Variants in COMMD2 observed in about 807,000 individuals in gnomAD.
The protein encoded by COMMD2 is COMM domain containing 2.
In COMMD2, 25 loss-of-function variants were observed where a neutral mutation model predicts 22.5. That is an observed-to-expected ratio of 1.11 (90% confidence interval 0.81 to 1.55). COMMD2 has a LOEUF of 1.55. Among genes scored for constraint, COMMD2 ranks in the 40% most tolerant of loss-of-function variants. COMMD2 has a pLI of 0.00. For missense variants in COMMD2, 223 were observed against 232.9 expected, an observed-to-expected ratio of 0.96 and a Z score of 0.28; for synonymous variants, 98 against 91.2, an observed-to-expected ratio of 1.07 and a Z score of -0.42.
Position 149,741,575 on chromosome 3 carries a change from T to G in COMMD2, c.546A>C (p.Ala182=). 6.2e-7 allele frequency: 1 copy of G among 1,614,166 alleles called. No individual in the cohort carries two copies. ...AGTGATTTGTCTTCATCTCTTCCAA[T>G]GCTTGTTCCAGTTGTTGAACCAAAT... ...LLHLVQQLEQ[A]LEEMKTNHCR... Residue 182 remains alanine, a synonymous_variant, in exon 5 of 5, where the codon GCA becomes GCC. Coordinates refer to ENST00000473414, the MANE Select transcript of COMMD2 (RefSeq NM_016094.4).
At chr3:149,741,918 A>C (rs1716240184) in intron 4 of COMMD2, among the ~76,000 whole-genome samples, 200 bp from the exon 5 acceptor site, 1 of 152,184 alleles carries the variant, frequency 6.6e-6, no homozygotes, top group Admixed American at 6.5e-5. Flanking sequence ...AGATTTCTTA[A>C]ACATGATATA....
intron 4 of COMMD2, among the ~76,000 whole-genome samples, chr3:149,743,604 C>T (rs1268412380): frequency 6.6e-6 from 1 of 152,264 alleles, no homozygotes; most frequent in East Asian, 1.9e-4. Context: ...AATTTAATGT[C>T]CCCAACTAAT....
At chr3:149,749,195 G>C (rs780905422) in intron 4 of COMMD2, among the ~76,000 whole-genome samples, 1 of 151,892 alleles carries the variant, frequency 6.6e-6, no homozygotes, top group South Asian at 2.1e-4. Context: ...TTGTATTTTT[G>C]GTAAAGACAG....
At chr3:149,743,890 G>C (rs1716299527) in intron 4 of COMMD2, among the ~76,000 whole-genome samples, 1 of 152,106 alleles carries the variant, frequency 6.6e-6, no homozygotes, top group Non-Finnish European at 1.5e-5. Context: ...CTTTTTTGTT[G>C]AAAGACTTAA....
At chr3:149,748,095 T>G (rs922176681) in intron 4 of COMMD2, among the ~76,000 whole-genome samples, 2 of 151,858 alleles carry the variant, frequency 1.3e-5, no homozygotes, top group Non-Finnish European at 2.9e-5. Flanking sequence ...CAAAGTATGA[T>G]GCAGGTAAGA....
At chr3:149,751,714 T>C (rs2108253981) in intron 2 of COMMD2, 2 of 388,374 alleles carry the variant, frequency 5.1e-6, no homozygotes, top group South Asian at 5.2e-5. Flanking sequence ...TGGAGACTAG[T>C]ATCAGGTGCG....
rs1468395515 is a variant in COMMD2 at position 149,739,959 on chromosome 3, C to T, written c.*1562G>A. 2 of 152,214 alleles carry T rather than the reference C, an allele frequency of 1.3e-5. No homozygotes were observed. Among genetic ancestry groups the T allele is most frequent in the African/African-American group, 2.4e-5 (1 of 41,456 alleles). The allele number at this position is 152,214 out of a possible 1,614,324, so 9.4% of individuals were successfully genotyped here. A position where few individuals can be genotyped will look rare whatever the true frequency, so the allele number is the denominator to read the frequency against. On this transcript the variant is annotated 3_prime_UTR_variant, in exon 5 of 5. Transcript: ENST00000473414. ...TTCCACTAGCCTATTCCCTGCTAGG[C>T]TCTCTCTTCTCTAAAGAGATTGCAA...
intron 2 of COMMD2, chr3:149,751,795 C>T (rs1716539170): frequency 3.6e-6 from 1 of 280,136 alleles, no homozygotes. Flanking sequence ...TTGACTTAAT[C>T]CCAGAGACTG....
intron 4 of COMMD2, among the ~76,000 whole-genome samples, chr3:149,748,305 C>T (rs1308108010): frequency 8.5e-5 from 13 of 152,154 alleles, no homozygotes; most frequent in African/African-American, 1.2e-4. Flanking sequence ...TTTCCGATTG[C>T]TTCTCTTTTC....
Position 149,747,305 on chromosome 3 carries a change from T to G in COMMD2, c.402+3373A>C, listed in dbSNP as rs116552799. ...GATGAAACCAGCTTGAGAATGTAAG[T>G]GGAGAAGTTATGAAGACTCAGAACT... On this transcript the variant is annotated intron_variant, in intron 4 of 4. Transcript: ENST00000473414. Among the ~76,000 whole-genome samples, 758 of 152,280 alleles carry G rather than the reference T, an allele frequency of 5.0e-3. 5 individuals are homozygous for G. Among genetic ancestry groups the G allele is most frequent in the African/African-American group, 0.017 (725 of 41,534 alleles).
chr3:149,746,775 C>T (rs1002113855), intron 4 of COMMD2, among the ~76,000 whole-genome samples: 3 of 152,140 alleles, frequency 2.0e-5, no homozygotes, highest in Non-Finnish European at 4.4e-5. Flanking sequence ...CAGCGAGACT[C>T]TGTCTCAAAA....
intron 4 of COMMD2, chr3:149,750,203 A>G (rs1010577543): frequency 2.7e-5 from 5 of 187,434 alleles, no homozygotes; most frequent in Admixed American, 5.7e-5. Flanking sequence ...CCATATATAC[A>G]AAGTTAAAAG....
At chr3:149,750,990 T>A in intron 3 of COMMD2, 139 bp from the exon 4 acceptor site, 1 of 587,852 alleles carries the variant, frequency 1.7e-6, no homozygotes, top group Non-Finnish European at 2.8e-6. Context: ...CTGACCACCA[T>A]TCCAAAATCT....
At position 149,751,445 on chromosome 3, in the gene COMMD2, C is replaced by T; in HGVS notation, c.186G>A (p.Val62=). The change falls in exon 3 of 5, where the codon GTG becomes GTA. Residue 62 remains valine, a synonymous_variant. Coordinates refer to ENST00000473414, the MANE Select transcript of COMMD2 (RefSeq NM_016094.4). ...NVSSDTVQHG[V]EGLTYLLTES... ...CAGTGAGGAGATACGTTAATCCTTC[C>T]ACACCATGCTGGACAGTGTCACTAC... The T allele has an allele frequency of 6.8e-6, 11 of 1,613,930 alleles. No homozygotes were observed. Among genetic ancestry groups the T allele is most frequent in the Non-Finnish European group, 8.5e-6 (10 of 1,179,930 alleles).
chr3:149,740,495 T>G lies in COMMD2; in HGVS notation c.*1026A>C, dbSNP rs1716182644. The G allele has an allele frequency of 6.6e-6, 1 of 152,210 alleles. No homozygotes were observed. The highest frequency in any genetic ancestry group is 1.5e-5 in the Non-Finnish European group (1 of 68,022). 9.4% of individuals were successfully genotyped at this position (152,210 alleles called of 1,614,324 possible). ...GATGCTTTGGGTATGGTGGAAGAAT[T>G]AGTCCTTGATAAAATACAATATACG... is the stretch of plus-strand genomic sequence containing the variant. On this transcript the variant is annotated 3_prime_UTR_variant, in exon 5 of 5. Transcript: ENST00000473414.
intron 4 of COMMD2, among the ~76,000 whole-genome samples, chr3:149,744,007 A>G (rs1380580610): frequency 6.6e-6 from 1 of 152,202 alleles, no homozygotes; most frequent in Non-Finnish European, 1.5e-5. Context: ...AACATCCCTA[A>G]CAAACATCTA....
rs1716224831 is a variant in COMMD2, at chr3:149,741,548, A to G, written c.573T>C (p.Cys191=). ...ACTTGATGTTGCGAACAACTCTCCTACAGTGATTTGTCTTCATCTCTTCCA... is the reference window on the plus strand; with the variant it reads ...ACTTGATGTTGCGAACAACTCTCCTGCAGTGATTTGTCTTCATCTCTTCCA... ...QALEEMKTNH[C]RRVVRNIK Residue 191 remains cysteine, a synonymous_variant, in exon 5 of 5, where the codon TGT becomes TGC. Transcript: ENST00000473414. 6.2e-7 allele frequency: 1 copy of G among 1,614,028 alleles called. No individual in the cohort carries two copies. Among genetic ancestry groups the G allele is most frequent in the Non-Finnish European group, 8.5e-7 (1 of 1,179,910 alleles).
intron 3 of COMMD2, among the ~76,000 whole-genome samples, 185 bp from the exon 4 acceptor site, chr3:149,751,036 T>C (rs1559856238): frequency 6.6e-6 from 1 of 152,168 alleles, no homozygotes; most frequent in Non-Finnish European, 1.5e-5. Flanking sequence ...TACTAAAGTA[T>C]AAAATGGAAA....
chr3:149,744,151 C>A (rs1716304844), intron 4 of COMMD2, among the ~76,000 whole-genome samples: 1 of 150,270 alleles, frequency 6.7e-6, no homozygotes, highest in African/African-American at 2.5e-5. Context: ...AATATAACAA[C>A]AATAAAAGCA....
Sources: allele counts gnomAD v4.1 joint callset (sites outside exome capture counted in the v4.1 genomes callset), GRCh38; gene constraint gnomAD v4.1.1; transcripts MANE v1.5; gene names NCBI Gene and HGNC (gene_info 2026-07-23, HGNC 2026-07-21).